The following GRID2 variants were observed in gnomAD, a reference collection of about 807,000 sequenced individuals.
GRID2 encodes the protein glutamate receptor ionotropic, delta-2.
Under a neutral mutation model 114.8 loss-of-function variants are expected in GRID2, and 33 were observed. The observed-to-expected ratio is 0.29, with a 90% confidence interval of 0.22 to 0.38. The LOEUF is 0.38. Among genes scored for constraint, GRID2 ranks in the 10% least tolerant of loss-of-function variants. The pLI is 1.00. For missense variants in GRID2, 1,184 were observed against 1,257.7 expected, an observed-to-expected ratio of 0.94 and a Z score of 0.89; for synonymous variants, 505 against 449.9, an observed-to-expected ratio of 1.12 and a Z score of -1.55.
intron 2 of GRID2, among the ~76,000 whole-genome samples, chr4:93,048,242 G>T (rs138932626): frequency 1.3e-3 from 205 of 152,156 alleles, no homozygotes; most frequent in African/African-American, 4.7e-3. Flanking sequence ...TGAATTTTTG[G>T]CGCATACAGG....
chr4:93,735,454 TA>T (rs923148033), intron 14 of GRID2, among the ~76,000 whole-genome samples: 3 of 151,372 alleles, frequency 2.0e-5, no homozygotes, highest in Admixed American at 6.6e-5. Flanking sequence ...TCCATTGGAA[TA>T]AAAAAAAATC....
At chr4:93,333,846 T>C (rs964179515) in intron 8 of GRID2, among the ~76,000 whole-genome samples, 1 of 148,968 alleles carries the variant, frequency 6.7e-6, no homozygotes, top group African/African-American at 2.6e-5. Flanking sequence ...TTTTATCTTG[T>C]ATTTAAGTCT....
intron 13 of GRID2, among the ~76,000 whole-genome samples, chr4:93,612,922 C>T (rs1190083307): frequency 6.8e-6 from 1 of 146,500 alleles, no homozygotes; most frequent in Non-Finnish European, 1.5e-5. Context: ...AACTTGGTTC[C>T]ATTCTCCACA....
chr4:93,307,100 G>C, intron 8 of GRID2, among the ~76,000 whole-genome samples: 2 of 152,162 alleles, frequency 1.3e-5, no homozygotes, highest in South Asian at 2.1e-4. Flanking sequence ...GGAGGCTGGG[G>C]CAGGAGAATT....
At chr4:93,254,528 T>C (rs567594619) in intron 8 of GRID2, among the ~76,000 whole-genome samples, 1 of 152,200 alleles carries the variant, frequency 6.6e-6, no homozygotes, top group East Asian at 1.9e-4. Context: ...AGTAGTTTTG[T>C]GGTTTTAAAT....
chr4:92,944,598 A>G (rs535775402), intron 2 of GRID2, among the ~76,000 whole-genome samples: 1 of 152,160 alleles, frequency 6.6e-6, no homozygotes, highest in Non-Finnish European at 1.5e-5. Context: ...CCCCAGGGAG[A>G]TGAACCTGGT....
At chr4:93,565,882 A>T (rs996959097) in intron 13 of GRID2, among the ~76,000 whole-genome samples, 1 of 152,180 alleles carries the variant, frequency 6.6e-6, no homozygotes, top group Non-Finnish European at 1.5e-5. Flanking sequence ...CATGCACATT[A>T]TCTTGCCCTT....
At chr4:93,264,115 G>C (rs1474856053) in intron 8 of GRID2, among the ~76,000 whole-genome samples, 1 of 152,146 alleles carries the variant, frequency 6.6e-6, no homozygotes, top group Non-Finnish European at 1.5e-5. Context: ...CTCAAGTTTA[G>C]TGCAGACTTT....
At chr4:92,358,523 T>C (rs1233863862) in intron 1 of GRID2, among the ~76,000 whole-genome samples, 1 of 151,822 alleles carries the variant, frequency 6.6e-6, no homozygotes, top group African/African-American at 2.4e-5. Context: ...GAAGTAGAAA[T>C]GGGAAGAAAG....
At position 93,364,933 on chromosome 4, in the gene GRID2, G is replaced by A. The variant is rs1266296138; in HGVS notation, c.1246-30674G>A. Among the ~76,000 whole-genome samples the A allele has an allele frequency of 2.0e-5, 3 of 152,054 alleles. No homozygotes were observed. In the South Asian group the frequency reaches 6.2e-4, roughly 31 times the overall value. The stretch of plus-strand genomic sequence containing the variant: ...ATTCATTAGTCCTGATATATCATTT[G>A]CATTCTTTACTACTCCCAACTGTTA... On this transcript the variant is annotated intron_variant, in intron 8 of 15. Transcript: ENST00000282020.
intron 13 of GRID2, among the ~76,000 whole-genome samples, chr4:93,552,030 C>A (rs191066859): frequency 3.9e-5 from 5 of 128,844 alleles, no homozygotes; most frequent in Non-Finnish European, 8.1e-5. Context: ...TCCCTCCCCC[C>A]TCCCCCACCC....
chr4:93,529,285 T>C (rs1356668776), intron 13 of GRID2, among the ~76,000 whole-genome samples: 1 of 152,220 alleles, frequency 6.6e-6, no homozygotes, highest in Admixed American at 6.5e-5. Context: ...ATAAACATTG[T>C]TCACAGATTA....
intron 1 of GRID2, among the ~76,000 whole-genome samples, chr4:92,426,160 T>G (rs1431336594): frequency 6.6e-6 from 1 of 152,116 alleles, no homozygotes; most frequent in Non-Finnish European, 1.5e-5. Flanking sequence ...TCTCAGATAT[T>G]TGATCAGTTT....
At chr4:93,288,091 A>C (rs1753366404) in intron 8 of GRID2, among the ~76,000 whole-genome samples, 1 of 152,174 alleles carries the variant, frequency 6.6e-6, no homozygotes, top group South Asian at 2.1e-4. Context: ...TCTGCCAATA[A>C]ATTTTTAAAT....
chr4:93,262,644 T>C (rs1052493240), intron 8 of GRID2, among the ~76,000 whole-genome samples: 3 of 152,010 alleles, frequency 2.0e-5, no homozygotes, highest in African/African-American at 7.2e-5. Context: ...ATCTTACTAC[T>C]TTGAATAAAA....
chr4:93,393,041 A>G (rs1226808568), intron 8 of GRID2, among the ~76,000 whole-genome samples: 1 of 152,024 alleles, frequency 6.6e-6, no homozygotes, highest in Non-Finnish European at 1.5e-5. Flanking sequence ...AATATAGGAA[A>G]TAAGTATTAT....
chr4:93,704,867 G>C (rs1236150052), intron 14 of GRID2, among the ~76,000 whole-genome samples: 2 of 152,082 alleles, frequency 1.3e-5, no homozygotes, highest in Non-Finnish European at 2.9e-5. Flanking sequence ...CGGACACTTA[G>C]GTTGCTTCCA....
chr4:92,890,205 G>T (rs965578437), intron 2 of GRID2, among the ~76,000 whole-genome samples: 1 of 152,032 alleles, frequency 6.6e-6, no homozygotes, highest in Non-Finnish European at 1.5e-5. Flanking sequence ...CGTAGGTGTG[G>T]GCAAAGATTT....
At chr4:92,822,289 G>T in intron 2 of GRID2, 1 of 599,258 alleles carries the variant, frequency 1.7e-6, no homozygotes. Flanking sequence ...GCATGGCATG[G>T]CCAGCATTGC....
Sources: gnomAD v4.1 joint callset for allele counts (sites outside exome capture counted in the v4.1 genomes callset) on GRCh38, gnomAD v4.1.1 for gene constraint, MANE v1.5 for transcripts, NCBI Gene and HGNC (gene_info 2026-07-23, HGNC 2026-07-21) for gene names.